The following AMPD3 variants were observed in gnomAD, a reference collection of about 807,000 sequenced individuals.
The protein encoded by AMPD3 is AMP deaminase 3.
AMPD3 carries 57 observed loss-of-function variants against 82.3 expected under a neutral mutation model. The ratio of observed to expected loss-of-function variants is 0.69; its 90% CI spans 0.56 to 0.86. The LOEUF (loss-of-function observed/expected upper bound fraction) is 0.86, where lower values mean the gene tolerates loss of function less well. Among genes scored for constraint, AMPD3 ranks in the 40% least tolerant of loss-of-function variants. The pLI, the probability that AMPD3 is intolerant of heterozygous loss-of-function variation, is 0.00. For synonymous variants in AMPD3, 381 were observed against 394.7 expected, an observed-to-expected ratio of 0.97 and a Z score of 0.41; for missense variants, 870 against 1,003.8, an observed-to-expected ratio of 0.87 and a Z score of 1.80.
intron 1 of AMPD3, 102 bp from the exon 2 acceptor site, chr11:10,461,413 C>T (rs1848265756): frequency 1.9e-6 from 3 of 1,604,374 alleles, no homozygotes; most frequent in Middle Eastern, 2.0e-4. Context: ...GACAGCTGAC[C>T]CCAAGTACCA....
rs1270504026 is a variant in AMPD3, at chr11:10,502,863, C to T, written c.1985C>T (p.Thr662Ile). 1 of 1,614,226 alleles carries T rather than the reference C, an allele frequency of 6.2e-7. No individual in the cohort carries two copies. Residue 662 changes from threonine (T) to isoleucine (I), a missense_variant, in exon 13 of 15, where the codon ACC becomes ATC. By Grantham distance (89) the Thr-to-Ile change is moderately conservative. Coordinates refer to ENST00000396553, the MANE Select transcript of AMPD3 (RefSeq NM_001025389.2). ...LHKGLHVSLS[T>I]DDPMQFHYTK... ...AAGGGACTGCATGTTTCTCTTTCCA[C>T]CGATGACCCCATGCAGTTCCACTAC...
At chr11:10,495,303 A>G in intron 8 of AMPD3, 1 of 985,388 alleles carries the variant, frequency 1.0e-6, no homozygotes, top group Non-Finnish European at 1.2e-6. Context: ...TGCAGCCTGA[A>G]CCTAGCTGGG....
intron 2 of AMPD3, chr11:10,477,226 A>C: frequency 2.0e-6 from 1 of 506,880 alleles, no homozygotes; most frequent in Non-Finnish European, 2.5e-6. Flanking sequence ...CCTGGAGAGG[A>C]GGAGGGCTCT....
rs138515457 is a variant in AMPD3, at chr11:10,496,995, C to T, written c.1557+57C>T. The T allele has an allele frequency of 5.2e-4, 833 of 1,598,860 alleles. 2 individuals carry two copies. The African/African-American group carries it at 9.6e-3, about 18-fold the overall frequency. ...ATAGCGGCAGAGGCAGGAATGGATT[C>T]GCTGTGAGCTGGGTCAGGCTTGCTC... On this transcript the variant is annotated intron_variant, in intron 10 of 14. Coordinates refer to ENST00000396553, the MANE Select transcript of AMPD3 (RefSeq NM_001025389.2).
chr11:10,457,657 G>A (rs1275956425), intron 1 of AMPD3, among the ~76,000 whole-genome samples: 1 of 152,176 alleles, frequency 6.6e-6, no homozygotes, highest in Non-Finnish European at 1.5e-5. Flanking sequence ...GACCCTGGGA[G>A]GCCAAGGCAG....
chr11:10,497,213 A>G (rs1274107550), intron 10 of AMPD3, among the ~76,000 whole-genome samples: 1 of 151,944 alleles, frequency 6.6e-6, no homozygotes, highest in Non-Finnish European at 1.5e-5. Context: ...CAGTGGGCAA[A>G]GACTGGGAAC....
chr11:10,495,472 T>G, intron 8 of AMPD3, 98 bp from the exon 9 acceptor site: 1 of 1,599,200 alleles, frequency 6.3e-7, no homozygotes, highest in East Asian at 2.2e-5. Context: ...GGGAGCAAGG[T>G]GGCTGGGGGA....
intron 6 of AMPD3, among the ~76,000 whole-genome samples, chr11:10,491,130 G>T (rs534822267): frequency 6.6e-6 from 1 of 152,176 alleles, no homozygotes; most frequent in African/African-American, 2.4e-5. Context: ...ACCCCAGCCC[G>T]GGCTGAGCGC....
At chr11:10,505,277 G>GAT in intron 14 of AMPD3, 1 of 978,384 alleles carries the variant, frequency 1.0e-6, no homozygotes. Flanking sequence ...GTGCTCGTCG[G>GAT]ATGATGATGC....
At chr11:10,480,935 C>T (rs1194622988) in intron 3 of AMPD3, among the ~76,000 whole-genome samples, 1 of 152,146 alleles carries the variant, frequency 6.6e-6, no homozygotes, top group Non-Finnish European at 1.5e-5. Flanking sequence ...GATTCCCATC[C>T]TTCCCAAACA....
chr11:10,474,358 G>A (rs1288685524), intron 2 of AMPD3, among the ~76,000 whole-genome samples: 1 of 152,190 alleles, frequency 6.6e-6, no homozygotes, highest in Non-Finnish European at 1.5e-5. Flanking sequence ...GACCACACAG[G>A]GCAGTGGGCT....
In AMPD3 at chr11:10,502,833, T is replaced by C. The variant is rs1849616499; in HGVS notation, c.1955T>C (p.Leu652Pro). The change falls in exon 13 of 15, where the codon CTA becomes CCA. Residue 652 changes from leucine to proline, a missense_variant. Coordinates refer to ENST00000396553, the MANE Select transcript of AMPD3 (RefSeq NM_001025389.2). The part of the protein sequence containing the change: ...EYSKNPLREF[L>P]HKGLHVSLST... Reference sequence around the variant, plus strand: ...TCCAAGAACCCTCTGAGGGAATTCCTACACAAGGGACTGCATGTTTCTCTT... The same window carrying C: ...TCCAAGAACCCTCTGAGGGAATTCCCACACAAGGGACTGCATGTTTCTCTT... 6.2e-7 allele frequency: 1 copy of C among 1,614,114 alleles called. No individual in the cohort carries two copies. Among genetic ancestry groups the C allele is most frequent in the African/African-American group, 1.3e-5 (1 of 74,954 alleles).
At chr11:10,477,206 C>A in intron 2 of AMPD3, 1 of 659,920 alleles carries the variant, frequency 1.5e-6, no homozygotes, top group Non-Finnish European at 1.9e-6. Flanking sequence ...CTGTAGGTAT[C>A]ACACTAGTAC....
intron 14 of AMPD3, chr11:10,505,229 G>A (rs1564860081): frequency 1.0e-6 from 1 of 985,292 alleles, no homozygotes; most frequent in Non-Finnish European, 1.2e-6. Flanking sequence ...ACCTCCCTGG[G>A]TGATGTCACT....
intron 10 of AMPD3, chr11:10,497,594 G>A (rs1301275384): frequency 1.0e-6 from 1 of 985,320 alleles, no homozygotes; most frequent in African/African-American, 1.7e-5. Context: ...GAGGGCTGGG[G>A]CACGGGGAAA....
At position 10,456,604 on chromosome 11, in the gene AMPD3, A is replaced by G. The variant is rs1211557967; in HGVS notation, c.-6+1156A>G. 3.0e-6 allele frequency: 3 copies of G among 985,460 alleles called. No individual in the cohort carries two copies. The highest frequency in any genetic ancestry group is 4.7e-5 in the South Asian group (1 of 21,286). 61.0% of individuals were successfully genotyped at this position (985,460 alleles called of 1,614,324 possible). ...CTTCAAGTTCATCAGAGCGTGTTGC[A>G]TGTAACAGTGAGATAAGCTGTATCA... On this transcript the variant is annotated intron_variant, in intron 1 of 14. Transcript: ENST00000396553. This position sits in a 1 kb window ranked among gnomAD's most constrained non-coding sequence, Gnocchi z 4.3.
intron 6 of AMPD3, 55 bp downstream of exon 6, chr11:10,487,419 T>C: frequency 6.2e-7 from 1 of 1,610,028 alleles, no homozygotes; most frequent in Admixed American, 1.7e-5. Flanking sequence ...TCCCAGCCCA[T>C]GGGATGCCCT....
chr11:10,502,241 A>G (rs1292247327), intron 12 of AMPD3: 1 of 985,426 alleles, frequency 1.0e-6, no homozygotes, highest in Non-Finnish European at 1.2e-6. Context: ...CTACAGTAGA[A>G]AACCACTCTA....
In AMPD3 at chr11:10,456,455, C is replaced by T. The variant is rs1191418192; in HGVS notation, c.-6+1007C>T. On this transcript the variant is annotated intron_variant, in intron 1 of 14. Transcript: ENST00000396553. The surrounding 1 kb of genome is among the most constrained non-coding windows in gnomAD (Gnocchi z 4.3). ...GTCTGGCAAGAGTAGGAACCAGCTTCCTTCGTATAACGAGGGGATTTCAGT... is the reference window on the plus strand; with the variant it reads ...GTCTGGCAAGAGTAGGAACCAGCTTTCTTCGTATAACGAGGGGATTTCAGT... 9 of 1,613,778 alleles carry T rather than the reference C, an allele frequency of 5.6e-6. No individual in the cohort carries two copies. The Admixed American group carries it at 1.2e-4, about 21-fold the overall frequency.
Sources: allele counts gnomAD v4.1 joint callset (sites outside exome capture counted in the v4.1 genomes callset), GRCh38; gene constraint gnomAD v4.1.1; non-coding constraint Gnocchi (gnomAD v3.1); transcripts MANE v1.5; gene names NCBI Gene and HGNC (gene_info 2026-07-23, HGNC 2026-07-21).